Variants in SH3PXD2A observed in about 807,000 individuals in gnomAD.
SH3PXD2A encodes SH3 and PX domains 2A.
A neutral mutation model predicts 115.2 loss-of-function variants in SH3PXD2A; 32 were observed. The ratio of observed to expected loss-of-function variants is 0.28; its 90% confidence interval spans 0.21 to 0.37. The LOEUF (loss-of-function observed/expected upper bound fraction) is 0.37. Ranked by LOEUF, SH3PXD2A falls within the 10% of genes least tolerant of loss-of-function variation. The pLI, the probability that SH3PXD2A is intolerant of heterozygous loss-of-function variation, is 1.00. For synonymous variants in SH3PXD2A, 610 were observed against 629.1 expected, an observed-to-expected ratio of 0.97 and a Z score of 0.45; for missense variants, 1,328 against 1,498.7, an observed-to-expected ratio of 0.89 and a Z score of 1.88.
chr10:103,747,623 T>G (rs534999171), intron 3 of SH3PXD2A, among the ~76,000 whole-genome samples: 72 of 152,036 alleles, frequency 4.7e-4, no homozygotes, highest in South Asian at 4.6e-3. Flanking sequence ...AAGTCCTGGG[T>G]CGCAGTGATG....
rs1240133653 is a variant in SH3PXD2A at position 103,701,170 on chromosome 10, ATCCATCCACCAT to A, written c.399-8126_399-8115del. ...TATCCATCCATCCATCCATCCATCC[ATCCATCCACCAT>A]CCATCCATCCATCCATCATCCATTT... On this transcript the variant is annotated intron_variant, in intron 5 of 14. Coordinates refer to ENST00000369774, the MANE Select transcript of SH3PXD2A (RefSeq NM_001394015.1). Among the ~76,000 whole-genome samples, 1,138 of 143,446 alleles carry A rather than the reference ATCCATCCACCAT, an allele frequency of 7.9e-3. 68 individuals carry two copies. Among genetic ancestry groups the A allele is most frequent in the African/African-American group, 0.026 (986 of 37,646 alleles). 94.1% of individuals were successfully genotyped at this position (143,446 alleles called of 152,430 possible).
chr10:103,687,034 C>T (rs1245339042), intron 6 of SH3PXD2A, among the ~76,000 whole-genome samples: 1 of 152,166 alleles, frequency 6.6e-6, no homozygotes, highest in East Asian at 1.9e-4. Context: ...AGGCATGAGC[C>T]ACTGCGCCTG....
chr10:103,630,878 T>C (rs1334657958), intron 8 of SH3PXD2A, among the ~76,000 whole-genome samples: 2 of 152,030 alleles, frequency 1.3e-5, no homozygotes, highest in Non-Finnish European at 2.9e-5. Flanking sequence ...CTAGCTGCAA[T>C]GAGTTAACGA....
At chr10:103,724,449 C>T (rs1158893157) in intron 4 of SH3PXD2A, 88 bp from the exon 5 acceptor site, 1 of 713,416 alleles carries the variant, frequency 1.4e-6, no homozygotes, top group African/African-American at 1.9e-5. Flanking sequence ...CCAACAGTGA[C>T]AGAGAGGCTC....
rs2134212569 is a variant in SH3PXD2A, at chr10:103,756,760, C to T, written c.229+10334G>A. ...CCCCACCCCACCACCTCCAATCCAT[C>T]AGCATGGCCTCTTGGCTGTCCTTCT... is the stretch of plus-strand genomic sequence containing the variant. On this transcript the variant is annotated intron_variant, in intron 3 of 14. Coordinates refer to ENST00000369774, the MANE Select transcript of SH3PXD2A (RefSeq NM_001394015.1). The surrounding 1 kb of genome is among the most constrained non-coding windows in gnomAD (Gnocchi z 4.4). Among the ~76,000 whole-genome samples, 1 of 152,284 alleles carries T rather than the reference C, an allele frequency of 6.6e-6. No individual in the cohort carries two copies. Among genetic ancestry groups the T allele is most frequent in the East Asian group, 1.9e-4 (1 of 5,176 alleles).
intron 3 of SH3PXD2A, among the ~76,000 whole-genome samples, chr10:103,757,754 G>A (rs573351623): frequency 9.2e-5 from 14 of 152,312 alleles, no homozygotes; most frequent in Admixed American, 5.9e-4. Flanking sequence ...ATCAGAGGCC[G>A]GATCCCCACC....
At chr10:103,664,792 G>A (rs1332679077) in intron 7 of SH3PXD2A, among the ~76,000 whole-genome samples, 1 of 151,526 alleles carries the variant, frequency 6.6e-6, no homozygotes, top group African/African-American at 2.4e-5. Flanking sequence ...TCAGCCTCCC[G>A]AGTAGCTGGG....
At chr10:103,830,330 T>C (rs2039471809) in intron 1 of SH3PXD2A, among the ~76,000 whole-genome samples, 1 of 152,194 alleles carries the variant, frequency 6.6e-6, no homozygotes, top group Admixed American at 6.5e-5. Flanking sequence ...TGTCTTCCAA[T>C]GTAGGCTGAA....
chr10:103,790,215 T>TG (rs2039021560), intron 2 of SH3PXD2A, among the ~76,000 whole-genome samples: 1 of 151,220 alleles, frequency 6.6e-6, no homozygotes, highest in Non-Finnish European at 1.5e-5. Flanking sequence ...AGAGCAGTGG[T>TG]GCGATCTCGG....
intron 5 of SH3PXD2A, chr10:103,693,570 ACCT>A (rs1260603312): frequency 6.6e-6 from 1 of 151,904 alleles, no homozygotes; most frequent in Non-Finnish European, 1.5e-5. Context: ...CTGAAATGTC[ACCT>A]CCTCAACGTG....
chr10:103,735,907 C>A, intron 3 of SH3PXD2A, 99 bp from the exon 4 acceptor site: 1 of 884,130 alleles, frequency 1.1e-6, no homozygotes, highest in Non-Finnish European at 1.9e-6. Context: ...CTTAGTCCAG[C>A]ACTACCTGCC....
chr10:103,805,550 C>A (rs543843054), intron 1 of SH3PXD2A, among the ~76,000 whole-genome samples: 1 of 152,368 alleles, frequency 6.6e-6, no homozygotes, highest in East Asian at 1.9e-4. Context: ...TGCACATGAC[C>A]AGAGCATCCC....
At chr10:103,710,026 C>T (rs1025938125) in intron 5 of SH3PXD2A, among the ~76,000 whole-genome samples, 10 of 150,938 alleles carry the variant, frequency 6.6e-5, no homozygotes, top group East Asian at 1.9e-4. Context: ...ACCCGGGAGG[C>T]GGAGGTTGCA....
At chr10:103,805,080 TC>T (rs1490124483) in intron 1 of SH3PXD2A, among the ~76,000 whole-genome samples, 2 of 152,206 alleles carry the variant, frequency 1.3e-5, no homozygotes, top group African/African-American at 4.8e-5. Context: ...TCAGCCTTTC[TC>T]CGGAACCAAC....
chr10:103,704,152 G>A (rs974939650), intron 5 of SH3PXD2A, among the ~76,000 whole-genome samples: 1 of 152,178 alleles, frequency 6.6e-6, no homozygotes, highest in South Asian at 2.1e-4. Context: ...AGGGGAGAGG[G>A]AGGGACTCTG....
chr10:103,687,596 G>A (rs571510233), intron 6 of SH3PXD2A, among the ~76,000 whole-genome samples: 3 of 152,196 alleles, frequency 2.0e-5, no homozygotes, highest in East Asian at 3.9e-4. Flanking sequence ...TATCTCACCT[G>A]GCTAGCAGCC....
chr10:103,802,697 T>A (rs2039158927), intron 1 of SH3PXD2A, among the ~76,000 whole-genome samples: 1 of 152,202 alleles, frequency 6.6e-6, no homozygotes, highest in Non-Finnish European at 1.5e-5. Flanking sequence ...GGGAGGGCAC[T>A]GATAAGACAC....
rs752407182 is a variant in SH3PXD2A, at chr10:103,602,632, G to A, written c.2586C>T (p.Pro862=). The part of the protein sequence containing the change: ...QKVQDSEISF[P]AGVEVQVLEK... ...CCAGCACCTGCACCTCCACGCCCGC[G>A]GGGAAGCTGATCTCCGAGTCCTGGA... Residue 862 remains proline (P), a synonymous_variant, in exon 15 of 15, where the codon CCC becomes CCT. Transcript: ENST00000369774. 2.6e-5 allele frequency: 42 copies of A among 1,613,972 alleles called. No individual in the cohort carries two copies. The highest frequency in any genetic ancestry group is 1.6e-4 in the Middle Eastern group (1 of 6,084).
chr10:103,686,337 T>A (rs1042760709), intron 6 of SH3PXD2A, among the ~76,000 whole-genome samples: 12 of 152,344 alleles, frequency 7.9e-5, no homozygotes, highest in African/African-American at 2.9e-4. Flanking sequence ...CGAGGCTCCG[T>A]GGCCACCTGT....
Sources: allele counts gnomAD v4.1 joint callset (sites outside exome capture counted in the v4.1 genomes callset), GRCh38; gene constraint gnomAD v4.1.1; non-coding constraint Gnocchi (gnomAD v3.1); transcripts MANE v1.5; gene names NCBI Gene and HGNC (gene_info 2026-07-23, HGNC 2026-07-21).